Variants in ANO10 observed in about 807,000 individuals in gnomAD.
ANO10 encodes the protein anoctamin-10.
ANO10 carries 77 observed loss-of-function variants against 74.7 expected under a neutral mutation model. The ratio of observed to expected loss-of-function variants is 1.03; its 90% CI spans 0.86 to 1.25. The LOEUF (loss-of-function observed/expected upper bound fraction) is 1.25. ANO10 is among the 50% of genes most tolerant of loss of function. ANO10 has a pLI of 0.00. For missense variants in ANO10, 721 were observed against 778.1 expected, an observed-to-expected ratio of 0.93 and a Z score of 0.87; for synonymous variants, 279 against 284.9, an observed-to-expected ratio of 0.98 and a Z score of 0.21.
At chr3:43,368,701 T>C (rs539317056) in intron 12 of ANO10, among the ~76,000 whole-genome samples, 9 of 152,002 alleles carry the variant, frequency 5.9e-5, no homozygotes, top group African/African-American at 1.4e-4. Context: ...TTTTTTTTTT[T>C]CAAGAGCCAG....
In ANO10 at chr3:43,475,821, T is replaced by C. The variant is rs140777236; in HGVS notation, c.1798-43094A>G. Among the ~76,000 whole-genome samples the C allele has an allele frequency of 7.3e-4, 111 of 152,180 alleles. 1 individual carries two copies. The highest frequency in any genetic ancestry group is 2.2e-3 in the African/African-American group (93 of 41,528). ...TTCACCATGTTGGCCAGGCTGGTCT[T>C]GAACTCCTGACCTCGAGTGATCTGC... On this transcript the variant is annotated intron_variant, in intron 11 of 12. Coordinates refer to ENST00000292246, the MANE Select transcript of ANO10 (RefSeq NM_018075.5).
intron 1 of ANO10, among the ~76,000 whole-genome samples, chr3:43,608,436 T>C (rs2149503715): frequency 6.6e-6 from 1 of 152,264 alleles, no homozygotes; most frequent in East Asian, 1.9e-4. Flanking sequence ...AGCTAATTTT[T>C]GTATTTTTTG....
intron 1 of ANO10, among the ~76,000 whole-genome samples, chr3:43,685,142 G>C (rs556411295): frequency 5.1e-4 from 78 of 152,288 alleles, no homozygotes; most frequent in Non-Finnish European, 9.8e-4. Context: ...TTGGCATAAA[G>C]CCATTTGTAG....
chr3:43,385,447 A>G (rs958742354), intron 12 of ANO10, among the ~76,000 whole-genome samples: 2 of 152,214 alleles, frequency 1.3e-5, no homozygotes, highest in Admixed American at 6.5e-5. Flanking sequence ...TACGAAAAAG[A>G]TACTTGTAAA....
chr3:43,662,320 A>G (rs1490195210), intron 1 of ANO10, among the ~76,000 whole-genome samples: 2 of 152,210 alleles, frequency 1.3e-5, no homozygotes, highest in Non-Finnish European at 2.9e-5. Flanking sequence ...GGTACATAAC[A>G]AAATGAAGGC....
chr3:43,663,671 C>G (rs1281374181), intron 1 of ANO10, among the ~76,000 whole-genome samples: 1 of 152,180 alleles, frequency 6.6e-6, no homozygotes, highest in Non-Finnish European at 1.5e-5. Flanking sequence ...TCTCCTTAAG[C>G]TGATAAGCAA....
At chr3:43,534,644 T>C (rs1439585212) in intron 11 of ANO10, among the ~76,000 whole-genome samples, 1 of 152,176 alleles carries the variant, frequency 6.6e-6, no homozygotes, top group Non-Finnish European at 1.5e-5. Flanking sequence ...GCCACCTCTC[T>C]GCAGAAAAGT....
At chr3:43,594,303 T>C (rs1257274952) in intron 4 of ANO10, among the ~76,000 whole-genome samples, 1 of 152,164 alleles carries the variant, frequency 6.6e-6, no homozygotes, top group African/African-American at 2.4e-5. Flanking sequence ...ATCAACAGAA[T>C]ATACATTCTT....
At chr3:43,484,779 T>C (rs1310465205) in intron 11 of ANO10, among the ~76,000 whole-genome samples, 1 of 152,214 alleles carries the variant, frequency 6.6e-6, no homozygotes. Flanking sequence ...TGAGGTCTTC[T>C]TGGCCAAGAG....
intron 12 of ANO10, among the ~76,000 whole-genome samples, chr3:43,418,803 G>A (rs1449443429): frequency 6.6e-6 from 1 of 152,220 alleles, no homozygotes; most frequent in Non-Finnish European, 1.5e-5. Context: ...GTCATTCAAA[G>A]GCTTAGAGCT....
At chr3:43,540,649 C>A (rs1380988556) in intron 11 of ANO10, among the ~76,000 whole-genome samples, 1 of 152,146 alleles carries the variant, frequency 6.6e-6, no homozygotes, top group African/African-American at 2.4e-5. Flanking sequence ...TCTTGGTGAG[C>A]CATAAACTCA....
intron 11 of ANO10, among the ~76,000 whole-genome samples, chr3:43,545,360 G>GT (rs773722635): frequency 2.8e-4 from 42 of 150,910 alleles, no homozygotes; most frequent in African/African-American, 4.1e-4. Flanking sequence ...CCCAATGATG[G>GT]TTTTTTTTTG....
At chr3:43,481,903 T>C (rs1009348515) in intron 11 of ANO10, among the ~76,000 whole-genome samples, 1 of 151,708 alleles carries the variant, frequency 6.6e-6, no homozygotes, top group Non-Finnish European at 1.5e-5. Flanking sequence ...TATGTATTGA[T>C]TGATGTCTTT....
intron 1 of ANO10, among the ~76,000 whole-genome samples, chr3:43,611,714 G>A (rs558833663): frequency 4.4e-4 from 67 of 152,148 alleles, no homozygotes; most frequent in African/African-American, 1.6e-3. Flanking sequence ...TTTTATTACT[G>A]GCTACTAGTA....
At chr3:43,450,433 C>T (rs111593065) in intron 11 of ANO10, among the ~76,000 whole-genome samples, 8 of 152,116 alleles carry the variant, frequency 5.3e-5, no homozygotes, top group African/African-American at 1.4e-4. Flanking sequence ...CCCAGCTACT[C>T]GGGACGCTGA....
chr3:43,423,816 A>G (rs926167595), intron 12 of ANO10, among the ~76,000 whole-genome samples: 1 of 152,140 alleles, frequency 6.6e-6, no homozygotes, highest in Non-Finnish European at 1.5e-5. Flanking sequence ...GCACATGCAA[A>G]AGGTTTAGAA....
intron 1 of ANO10, among the ~76,000 whole-genome samples, chr3:43,676,806 T>G (rs1255606720): frequency 6.6e-6 from 1 of 152,036 alleles, no homozygotes; most frequent in Non-Finnish European, 1.5e-5. Context: ...AAAGACTTTG[T>G]GAAAAAAATC....
intron 9 of ANO10, among the ~76,000 whole-genome samples, chr3:43,559,576 G>A (rs941419994): frequency 9.2e-5 from 14 of 152,094 alleles, no homozygotes; most frequent in Admixed American, 3.3e-4. Flanking sequence ...GCAGTTAGGA[G>A]GAGAAGAAGT....
At chr3:43,596,701 G>T (rs1338936240) in intron 4 of ANO10, among the ~76,000 whole-genome samples, 1 of 152,152 alleles carries the variant, frequency 6.6e-6, no homozygotes, top group Admixed American at 6.5e-5. Flanking sequence ...ACATAGGCAT[G>T]GGCAAGGACT....
Sources: gnomAD v4.1 joint callset for allele counts (sites outside exome capture counted in the v4.1 genomes callset) on GRCh38, gnomAD v4.1.1 for gene constraint, MANE v1.5 for transcripts, NCBI Gene and HGNC (gene_info 2026-07-23, HGNC 2026-07-21) for gene names.